SLCO5A1: variants seen among roughly 807,000 people sequenced by gnomAD.
SLCO5A1 encodes the protein solute carrier organic anion transporter family member 5A1.
Under a neutral mutation model 65.1 loss-of-function variants are expected in SLCO5A1, and 39 were observed. The observed-to-expected ratio is 0.60, with a 90% CI of 0.46 to 0.78. The LOEUF (loss-of-function observed/expected upper bound fraction) is 0.78, where lower values mean the gene tolerates loss of function less well. SLCO5A1 is among the 30% of genes least tolerant of loss of function. SLCO5A1 has a pLI of 0.00. For missense variants in SLCO5A1, 1,029 were observed against 1,069.4 expected, an observed-to-expected ratio of 0.96 and a Z score of 0.53; for synonymous variants, 438 against 415.7, an observed-to-expected ratio of 1.05 and a Z score of -0.65.
At chr8:69,709,077 G>A (rs937085430) in intron 5 of SLCO5A1, among the ~76,000 whole-genome samples, 1 of 152,190 alleles carries the variant, frequency 6.6e-6, no homozygotes, top group Admixed American at 6.5e-5. Flanking sequence ...AAACCAGACT[G>A]CGATGGGTTG....
chr8:69,804,243 C>A (rs1486111348), intron 2 of SLCO5A1, among the ~76,000 whole-genome samples: 1 of 152,116 alleles, frequency 6.6e-6, no homozygotes. Context: ...GACATTTTTG[C>A]TAAAATCTAA....
Position 69,832,742 on chromosome 8 carries a change from G to A in SLCO5A1, c.-69C>T, listed in dbSNP as rs548516348. The stretch of plus-strand genomic sequence containing the variant: ...TCCGGCACGTTTCATCCACCGGCAC[G>A]AGGGGCCGAAGCCGGGCCCAGTCAG... On this transcript the variant is annotated 5_prime_UTR_variant, in exon 2 of 10. Coordinates refer to ENST00000260126, the MANE Select transcript of SLCO5A1 (RefSeq NM_030958.3). This position sits in a 1 kb window ranked among gnomAD's most constrained non-coding sequence, Gnocchi z 4.5. 2.9e-5 allele frequency: 44 copies of A among 1,507,064 alleles called. No individual in the cohort carries two copies. The African/African-American group carries it at 5.4e-4, about 18-fold the overall frequency. 93.4% of individuals were successfully genotyped at this position (1,507,064 alleles called of 1,614,324 possible).
intron 3 of SLCO5A1, among the ~76,000 whole-genome samples, chr8:69,760,551 G>C (rs1817724759): frequency 6.6e-6 from 1 of 152,074 alleles, no homozygotes; most frequent in Non-Finnish European, 1.5e-5. Context: ...TTCTCCATGT[G>C]TGTCTATGTT....
chr8:69,751,519 C>T (rs1342689488), intron 4 of SLCO5A1, among the ~76,000 whole-genome samples: 2 of 151,468 alleles, frequency 1.3e-5, no homozygotes, highest in Non-Finnish European at 2.9e-5. Flanking sequence ...CCCAAAAGGG[C>T]GCCATTCTGT....
At chr8:69,760,192 G>A (rs1341582403) in intron 3 of SLCO5A1, among the ~76,000 whole-genome samples, 4 of 152,092 alleles carry the variant, frequency 2.6e-5, no homozygotes, top group Non-Finnish European at 4.4e-5. Context: ...TTCTGACAAT[G>A]AAAAACATCT....
intron 2 of SLCO5A1, among the ~76,000 whole-genome samples, chr8:69,813,725 C>T (rs990260155): frequency 6.6e-6 from 1 of 152,152 alleles, no homozygotes; most frequent in East Asian, 1.9e-4. Context: ...AAGACCACAT[C>T]AAGTCGGACT....
At chr8:69,782,213 C>T (rs1384229074) in intron 2 of SLCO5A1, among the ~76,000 whole-genome samples, 2 of 151,734 alleles carry the variant, frequency 1.3e-5, no homozygotes, top group Admixed American at 6.6e-5. Flanking sequence ...GCACATGTAT[C>T]CCAGAACTTA....
chr8:69,669,331 T>C lies in SLCO5A1; in HGVS notation c.*3538A>G, dbSNP rs1229637858. 3 of 152,166 alleles carry C rather than the reference T, an allele frequency of 2.0e-5. No individual in the cohort carries two copies. Among genetic ancestry groups the C allele is most frequent in the African/African-American group, 7.2e-5 (3 of 41,436 alleles). The allele number at this position is 152,166 out of a possible 1,614,324, so 9.4% of individuals were successfully genotyped here. The stretch of plus-strand genomic sequence containing the variant: ...ACGGTAATATATCAAAAAATTGAAA[T>C]GCTTTAATCTCACGATTTTATAGTC... On this transcript the variant is annotated 3_prime_UTR_variant, in exon 10 of 10. Transcript: ENST00000260126.
rs200309322 is a variant in SLCO5A1, at chr8:69,673,307, G to C, written c.2109C>G (p.Ile703Met). ...LRTLAYIPTPIYFGAVIDTTC... is the reference protein window; with the variant it reads ...LRTLAYIPTPMYFGAVIDTTC... ...TGGTGTCAATGACTGCTCCAAAGTA[G>C]ATTGGAGTAGGAATGTATGCTAGAG... Residue 703 changes from isoleucine (I) to methionine (M), a missense_variant, in exon 10 of 10, where the codon ATC (isoleucine) becomes ATG (methionine). Transcript: ENST00000260126. 22 of 1,613,816 alleles carry C rather than the reference G, an allele frequency of 1.4e-5. No homozygotes were observed. The South Asian group carries it at 2.4e-4, about 18-fold the overall frequency.
At chr8:69,746,610 T>C (rs1002247405) in intron 4 of SLCO5A1, among the ~76,000 whole-genome samples, 4 of 152,170 alleles carry the variant, frequency 2.6e-5, no homozygotes, top group African/African-American at 4.8e-5. Context: ...GCCTTTGCCT[T>C]GAGGGCATAG....
At chr8:69,799,504 A>T (rs1819646844) in intron 2 of SLCO5A1, among the ~76,000 whole-genome samples, 1 of 152,160 alleles carries the variant, frequency 6.6e-6, no homozygotes, top group African/African-American at 2.4e-5. Flanking sequence ...GGAAGTTTTT[A>T]TTTGTCCATA....
intron 4 of SLCO5A1, among the ~76,000 whole-genome samples, chr8:69,747,342 G>A (rs1817079763): frequency 2.0e-5 from 3 of 152,044 alleles, no homozygotes; most frequent in South Asian, 4.1e-4. Flanking sequence ...TTAAAGTGCA[G>A]TTGGTCCTCT....
chr8:69,807,991 C>A (rs1031965355), intron 2 of SLCO5A1, among the ~76,000 whole-genome samples: 1 of 152,176 alleles, frequency 6.6e-6, no homozygotes, highest in Non-Finnish European at 1.5e-5. Context: ...GCTTGAGCCA[C>A]CGCGCCCAGC....
chr8:69,782,743 T>C (rs1818850454), intron 2 of SLCO5A1, among the ~76,000 whole-genome samples: 1 of 152,164 alleles, frequency 6.6e-6, no homozygotes, highest in African/African-American at 2.4e-5. Flanking sequence ...AAAATTCTCA[T>C]TTGGAAGGTG....
chr8:69,793,111 A>T (rs946262052), intron 2 of SLCO5A1, among the ~76,000 whole-genome samples: 2 of 151,904 alleles, frequency 1.3e-5, no homozygotes, highest in African/African-American at 4.8e-5. Flanking sequence ...CCTCCCAAGT[A>T]TCTGGGACTA....
At chr8:69,827,086 A>G (rs556579340) in intron 2 of SLCO5A1, among the ~76,000 whole-genome samples, 1 of 147,214 alleles carries the variant, frequency 6.8e-6, no homozygotes, top group South Asian at 2.2e-4. Context: ...CCATAGGTGG[A>G]AATTGAACAA....
intron 5 of SLCO5A1, among the ~76,000 whole-genome samples, chr8:69,713,198 C>T (rs1279264371): frequency 6.6e-6 from 1 of 152,202 alleles, no homozygotes; most frequent in East Asian, 1.9e-4. Flanking sequence ...CTCTTAGAAT[C>T]TTAGACATTG....
intron 2 of SLCO5A1, among the ~76,000 whole-genome samples, chr8:69,817,615 C>A (rs898428842): frequency 6.6e-6 from 1 of 152,128 alleles, no homozygotes; most frequent in Non-Finnish European, 1.5e-5. Flanking sequence ...GCTTCCTTGC[C>A]TGCCAAATTA....
chr8:69,683,235 C>T (rs1420882906), intron 6 of SLCO5A1, among the ~76,000 whole-genome samples: 1 of 152,150 alleles, frequency 6.6e-6, no homozygotes, highest in Non-Finnish European at 1.5e-5. Context: ...TACCCCATGA[C>T]CGCTTTTGCT....
Sources: allele counts gnomAD v4.1 joint callset (sites outside exome capture counted in the v4.1 genomes callset), GRCh38; gene constraint gnomAD v4.1.1; non-coding constraint Gnocchi (gnomAD v3.1); transcripts MANE v1.5; gene names NCBI Gene and HGNC (gene_info 2026-07-23, HGNC 2026-07-21).